JAZF1: variants seen among roughly 807,000 people sequenced by gnomAD.
JAZF1 encodes the protein JAZF zinc finger 1.
A neutral mutation model predicts 26.4 loss-of-function variants in JAZF1; 8 were observed. That is an observed-to-expected ratio of 0.30 (90% CI 0.18 to 0.55). The LOEUF is 0.55. Ranked by LOEUF, JAZF1 falls within the 20% of genes least tolerant of loss-of-function variation. JAZF1 has a pLI of 0.94. For missense variants in JAZF1, 199 were observed against 322.0 expected, an observed-to-expected ratio of 0.62 and a Z score of 2.92; for synonymous variants, 126 against 122.3, an observed-to-expected ratio of 1.03 and a Z score of -0.20.
chr7:27,859,374 G>T (rs1204750075), intron 3 of JAZF1, among the ~76,000 whole-genome samples: 1 of 152,140 alleles, frequency 6.6e-6, no homozygotes, highest in African/African-American at 2.4e-5. Context: ...CCATTACTGG[G>T]TATATACTCA....
At chr7:28,087,978 C>G (rs1784235656) in intron 1 of JAZF1, among the ~76,000 whole-genome samples, 1 of 152,252 alleles carries the variant, frequency 6.6e-6, no homozygotes. Context: ...GCCTTTATTT[C>G]TTTTAAGCAA....
At chr7:27,875,295 C>T (rs576738181) in intron 3 of JAZF1, among the ~76,000 whole-genome samples, 121 of 152,298 alleles carry the variant, frequency 7.9e-4, no homozygotes, top group African/African-American at 2.8e-3. Context: ...TGATCCTCGT[C>T]CCAGCCTTAC....
intron 2 of JAZF1, among the ~76,000 whole-genome samples, chr7:27,991,223 A>C (rs1447247506): frequency 3.3e-5 from 5 of 152,272 alleles, no homozygotes; most frequent in African/African-American, 9.6e-5. Context: ...ATTCTCATTA[A>C]AAACTAGTTT....
At chr7:28,107,011 G>A (rs760174757) in intron 1 of JAZF1, among the ~76,000 whole-genome samples, 1 of 152,086 alleles carries the variant, frequency 6.6e-6, no homozygotes, top group African/African-American at 2.4e-5. Flanking sequence ...ATTATACCTC[G>A]GTTCTTTATT....
chr7:28,041,094 T>C (rs2128377329), intron 1 of JAZF1, among the ~76,000 whole-genome samples: 1 of 152,292 alleles, frequency 6.6e-6, no homozygotes, highest in African/African-American at 2.4e-5. Flanking sequence ...GGCAAAATTT[T>C]TTAAAAATTA....
At chr7:28,106,785 T>G (rs1784559325) in intron 1 of JAZF1, among the ~76,000 whole-genome samples, 1 of 152,212 alleles carries the variant, frequency 6.6e-6, no homozygotes, top group South Asian at 2.1e-4. Flanking sequence ...GTGAGCACCA[T>G]GCACCCCGAT....
intron 2 of JAZF1, among the ~76,000 whole-genome samples, chr7:27,940,596 AC>A (rs1200677267): frequency 6.6e-6 from 1 of 152,208 alleles, no homozygotes; most frequent in East Asian, 1.9e-4. Flanking sequence ...TGATGACAGC[AC>A]TGAGATGCCA....
chr7:28,083,726 T>G (rs1784172364), intron 1 of JAZF1, among the ~76,000 whole-genome samples: 2 of 152,026 alleles, frequency 1.3e-5, no homozygotes, highest in South Asian at 4.2e-4. Context: ...TTAAAGTTCT[T>G]TATGTGAGCA....
intron 1 of JAZF1, among the ~76,000 whole-genome samples, chr7:28,080,655 T>C (rs902602327): frequency 2.0e-5 from 3 of 152,146 alleles, no homozygotes; most frequent in Non-Finnish European, 4.4e-5. Context: ...TCTCCAGGAA[T>C]AGGCAGGCTC....
intron 2 of JAZF1, among the ~76,000 whole-genome samples, chr7:27,972,668 T>A (rs1031551401): frequency 6.6e-6 from 1 of 152,112 alleles, no homozygotes; most frequent in Non-Finnish European, 1.5e-5. Flanking sequence ...AACAAACACA[T>A]GCAAGCAAGC....
chr7:27,855,582 C>G (rs1783235461), intron 3 of JAZF1, among the ~76,000 whole-genome samples: 1 of 152,182 alleles, frequency 6.6e-6, no homozygotes. Flanking sequence ...ATACTACAAA[C>G]ACTTCTATGT....
chr7:27,978,042 C>T (rs1785505640), intron 2 of JAZF1, among the ~76,000 whole-genome samples: 2 of 152,156 alleles, frequency 1.3e-5, no homozygotes, highest in South Asian at 2.1e-4. Context: ...ATGCTGCATG[C>T]CATATGAATG....
chr7:28,047,449 G>C (rs1783515561), intron 1 of JAZF1, among the ~76,000 whole-genome samples: 1 of 152,084 alleles, frequency 6.6e-6, no homozygotes, highest in Non-Finnish European at 1.5e-5. Context: ...TGAGCTCCTA[G>C]CCAGGAGTGA....
chr7:28,056,420 A>T lies in JAZF1; in HGVS notation c.116-64439T>A, dbSNP rs551529084. Among the ~76,000 whole-genome samples the T allele has an allele frequency of 3.5e-5, 5 of 143,790 alleles. No homozygotes were observed. In the Admixed American group the frequency reaches 3.5e-4, roughly 10 times the overall value. 94.3% of individuals were successfully genotyped at this position (143,790 alleles called of 152,430 possible). ...CATCACGTGGCAGCTTCATTCCTTG[A>T]ACTATTTCAACAACTACACACACAC... On this transcript the variant is annotated intron_variant, in intron 1 of 4. Transcript: ENST00000283928.
intron 2 of JAZF1, among the ~76,000 whole-genome samples, chr7:27,912,622 G>C (rs981367208): frequency 1.3e-5 from 2 of 152,074 alleles, no homozygotes; most frequent in Non-Finnish European, 2.9e-5. Flanking sequence ...TAAGATTAAG[G>C]TTAAAATTAA....
chr7:28,172,394 C>G (rs991726436), intron 1 of JAZF1, among the ~76,000 whole-genome samples: 12 of 152,138 alleles, frequency 7.9e-5, no homozygotes, highest in African/African-American at 1.2e-4. Context: ...TTTTCTCGTG[C>G]AATGACTAAC....
chr7:28,030,758 T>G (rs561279888), intron 1 of JAZF1, among the ~76,000 whole-genome samples: 1 of 152,226 alleles, frequency 6.6e-6, no homozygotes, highest in Non-Finnish European at 1.5e-5. Flanking sequence ...AACTTAAACT[T>G]TAATGTCTCT....
intron 1 of JAZF1, among the ~76,000 whole-genome samples, chr7:28,045,706 A>G (rs77895534): frequency 0.033 from 4,959 of 152,158 alleles, 276 homozygotes; most frequent in African/African-American, 0.11. Context: ...ACTCCCAAGT[A>G]ATAAAGACTA....
chr7:28,055,822 GA>G (rs771496679), intron 1 of JAZF1, among the ~76,000 whole-genome samples: 10 of 152,110 alleles, frequency 6.6e-5, no homozygotes, highest in Non-Finnish European at 1.3e-4. Flanking sequence ...TTCTATTCCT[GA>G]AAACACCAAA....
Sources: allele counts gnomAD v4.1 joint callset (sites outside exome capture counted in the v4.1 genomes callset), GRCh38; gene constraint gnomAD v4.1.1; transcripts MANE v1.5; gene names NCBI Gene and HGNC (gene_info 2026-07-23, HGNC 2026-07-21).